The following CFAP20DC variants were observed in gnomAD, a reference collection of about 807,000 sequenced individuals.
CFAP20DC encodes the protein protein CFAP20DC.
In CFAP20DC, 84 loss-of-function variants were observed where a neutral mutation model predicts 101.7. The observed-to-expected ratio is 0.83, with a 90% confidence interval of 0.69 to 0.99. The LOEUF (loss-of-function observed/expected upper bound fraction) is 0.99. Among genes scored for constraint, CFAP20DC ranks in the 50% least tolerant of loss-of-function variants. The pLI is 0.00. For missense variants in CFAP20DC, 1,007 were observed against 970.3 expected (o/e 1.04, Z -0.50); for synonymous variants, 359 against 351.2 (o/e 1.02, Z -0.25).
chr3:58,786,050 G>C (rs185600390), intron 15 of CFAP20DC, among the ~76,000 whole-genome samples: 11 of 152,260 alleles, frequency 7.2e-5, no homozygotes, highest in South Asian at 4.1e-4. Context: ...TGTTACGTAA[G>C]CCAGAGTTCT....
chr3:59,025,603 G>A (rs1028334135), intron 4 of CFAP20DC, among the ~76,000 whole-genome samples: 1 of 152,092 alleles, frequency 6.6e-6, no homozygotes, highest in Non-Finnish European at 1.5e-5. Context: ...CCATTGTACA[G>A]ATGAGGCTTT....
At chr3:58,805,443 G>A (rs1384199511) in intron 15 of CFAP20DC, among the ~76,000 whole-genome samples, 4 of 152,104 alleles carry the variant, frequency 2.6e-5, no homozygotes, top group African/African-American at 4.8e-5. Flanking sequence ...CTGCCAAACC[G>A]CCTTTCTTAC....
chr3:58,822,344 A>AAAC lies in CFAP20DC; in HGVS notation c.2175+9341_2175+9342insGTT, dbSNP rs1278389118. Among the ~76,000 whole-genome samples, 143 of 148,388 alleles carry AAAC rather than the reference A, an allele frequency of 9.6e-4. 1 individual carries two copies. Among genetic ancestry groups the AAAC allele is most frequent in the African/African-American group, 3.3e-3 (132 of 39,576 alleles). On this transcript the variant is annotated intron_variant, in intron 14 of 16. Transcript: ENST00000482387. ...ACAAACAAACAAACAAACAAAAAAA[A>AAAC]CCAAACACCGCATATTCTCACTCAT...
downstream of CFAP20DC, among the ~76,000 whole-genome samples, chr3:58,737,736 A>C (rs147308657): frequency 6.6e-6 from 1 of 152,312 alleles, no homozygotes; most frequent in African/African-American, 2.4e-5. The surrounding 1 kb of genome is among the most constrained non-coding windows in gnomAD (Gnocchi z 4.1). Context: ...GGAAACGCTG[A>C]TCCTTGAGGT....
intron 5 of CFAP20DC, among the ~76,000 whole-genome samples, chr3:58,927,994 G>A (rs991256233): frequency 3.3e-5 from 5 of 152,258 alleles, no homozygotes; most frequent in Non-Finnish European, 4.4e-5. Flanking sequence ...AATACTCCTC[G>A]GCATTTGTGG....
chr3:58,862,588 C>T, intron 12 of CFAP20DC: 1 of 985,404 alleles, frequency 1.0e-6, no homozygotes, highest in African/African-American at 1.7e-5. Context: ...TTAAACAATC[C>T]CACTATATTC....
At chr3:58,949,366 T>C (rs1275965971) in intron 4 of CFAP20DC, among the ~76,000 whole-genome samples, 3 of 152,336 alleles carry the variant, frequency 2.0e-5, no homozygotes, top group African/African-American at 7.2e-5. Flanking sequence ...GTTCTTTTAA[T>C]TGTGATGTTA....
intron 4 of CFAP20DC, among the ~76,000 whole-genome samples, chr3:58,959,661 C>T (rs1201339049): frequency 6.6e-6 from 1 of 152,186 alleles, no homozygotes; most frequent in African/African-American, 2.4e-5. Context: ...AACTTGATTA[C>T]TGTAGCTTTA....
chr3:58,782,358 C>T (rs1339238234), intron 15 of CFAP20DC, among the ~76,000 whole-genome samples: 2 of 151,878 alleles, frequency 1.3e-5, no homozygotes, highest in Non-Finnish European at 1.5e-5. Context: ...AAGCCTTTCC[C>T]CTAAGAACTA....
intron 13 of CFAP20DC, among the ~76,000 whole-genome samples, chr3:58,842,593 G>T (rs961638995): frequency 6.6e-6 from 1 of 151,830 alleles, no homozygotes; most frequent in African/African-American, 2.4e-5. Context: ...GGGGAGGGGC[G>T]CCCGCCATTG....
At chr3:58,880,402 C>T (rs755311216) in intron 7 of CFAP20DC, among the ~76,000 whole-genome samples, 4 of 152,088 alleles carry the variant, frequency 2.6e-5, no homozygotes, top group South Asian at 2.1e-4. Context: ...GGTCATTCTT[C>T]GTATAGCTGC....
rs534118664 is a variant in CFAP20DC at position 58,934,258 on chromosome 3, T to G, written c.393+3390A>C. Among the ~76,000 whole-genome samples, 83 of 152,222 alleles carry G rather than the reference T, an allele frequency of 5.5e-4. 1 individual carries two copies. In the East Asian group the frequency reaches 0.012, roughly 23 times the overall value. On this transcript the variant is annotated intron_variant, in intron 5 of 16. Coordinates refer to ENST00000482387, the MANE Select transcript of CFAP20DC (RefSeq NM_001394063.1). ...ATCTCTGAATAGACCAATAACAGGC[T>G]CTGAAATTGTGGCAATAATCAATAG... is the stretch of plus-strand genomic sequence containing the variant.
At chr3:58,939,889 C>T (rs2088282966) in intron 4 of CFAP20DC, among the ~76,000 whole-genome samples, 1 of 151,356 alleles carries the variant, frequency 6.6e-6, no homozygotes, top group Non-Finnish European at 1.5e-5. Flanking sequence ...GCCTGAGCCT[C>T]CTGAGTAGCT....
chr3:58,860,221 A>T (rs1166119432), intron 12 of CFAP20DC, among the ~76,000 whole-genome samples: 1 of 151,624 alleles, frequency 6.6e-6, no homozygotes, highest in Non-Finnish European at 1.5e-5. Context: ...AAAAATCATT[A>T]CTCAAGTATG....
rs752324535 is a variant in CFAP20DC, at chr3:58,941,327, C to CAAAAAAAAAAAA, written c.279-3577_279-3566dup. 4.7e-3 allele frequency among the ~76,000 whole-genome samples: 92 copies of CAAAAAAAAAAAA among 19,536 alleles called. 4 individuals carry two copies. Among genetic ancestry groups the CAAAAAAAAAAAA allele is most frequent in the African/African-American group, 0.016 (87 of 5,460 alleles). 12.8% of individuals were successfully genotyped at this position (19,536 alleles called of 152,430 possible). ...CTGGCGACAGAGCGAGACTCCGTCT[C>CAAAAAAAAAAAA]AAAAAAAAAAAAAAAAAAAAAAAAA... is the stretch of plus-strand genomic sequence containing the variant. On this transcript the variant is annotated intron_variant, in intron 4 of 16. Transcript: ENST00000482387.
intron 4 of CFAP20DC, among the ~76,000 whole-genome samples, chr3:59,025,343 G>A (rs936143038): frequency 6.6e-6 from 1 of 152,094 alleles, no homozygotes; most frequent in Non-Finnish European, 1.5e-5. Context: ...TTAGGGACAA[G>A]TAGCATGAAA....
At chr3:58,738,580 A>C (rs1030761737), downstream of CFAP20DC, among the ~76,000 whole-genome samples, 1 of 152,204 alleles carries the variant, frequency 6.6e-6, no homozygotes, top group African/African-American at 2.4e-5. The surrounding 1 kb of genome is among the most constrained non-coding windows in gnomAD (Gnocchi z 4.4). Context: ...TTCTTTGTCC[A>C]GTCTACCATT....
intron 5 of CFAP20DC, among the ~76,000 whole-genome samples, chr3:58,922,016 C>A (rs2085435212): frequency 6.6e-6 from 1 of 152,132 alleles, no homozygotes; most frequent in South Asian, 2.1e-4. Flanking sequence ...CGTACTCTAG[C>A]TTTTTTATGA....
At chr3:59,030,149 G>C (rs963198462) in intron 4 of CFAP20DC, among the ~76,000 whole-genome samples, 1 of 152,208 alleles carries the variant, frequency 6.6e-6, no homozygotes, top group Non-Finnish European at 1.5e-5. Flanking sequence ...TTAGAAGCCA[G>C]ATACCTTTCT....
Sources: allele counts gnomAD v4.1 joint callset (sites outside exome capture counted in the v4.1 genomes callset), GRCh38; gene constraint gnomAD v4.1.1; non-coding constraint Gnocchi (gnomAD v3.1); transcripts MANE v1.5; gene names NCBI Gene and HGNC (gene_info 2026-07-23, HGNC 2026-07-21).